The following WARS2 variants were observed in gnomAD, a reference collection of about 807,000 sequenced individuals.
WARS2 encodes the protein tryptophan--tRNA ligase, mitochondrial.
In WARS2, 28 loss-of-function variants were observed where a neutral mutation model predicts 36.5. The ratio of observed to expected loss-of-function variants is 0.77; its 90% CI spans 0.57 to 1.05. WARS2 has a LOEUF of 1.05. WARS2 is among the 50% of genes least tolerant of loss of function. WARS2 has a pLI of 0.00. For missense variants in WARS2, 435 were observed against 456.8 expected (o/e 0.95, Z 0.44); for synonymous variants, 174 against 178.4 (o/e 0.98, Z 0.20).
intron 1 of WARS2, among the ~76,000 whole-genome samples, chr1:119,086,639 A>G (rs781279571): frequency 5.3e-5 from 8 of 152,160 alleles, no homozygotes; most frequent in Non-Finnish European, 8.8e-5. Flanking sequence ...AGACATTTTC[A>G]AAGTATTAAT....
intron 1 of WARS2, among the ~76,000 whole-genome samples, chr1:119,078,363 T>G (rs1315653989): frequency 6.6e-6 from 1 of 152,140 alleles, no homozygotes; most frequent in African/African-American, 2.4e-5. Context: ...TATCTAGGAG[T>G]AGAATTGCCG....
intron 1 of WARS2, among the ~76,000 whole-genome samples, chr1:119,088,929 A>C (rs776365824): frequency 2.0e-5 from 3 of 152,186 alleles, no homozygotes; most frequent in Non-Finnish European, 4.4e-5. Flanking sequence ...TTCCTACCAG[A>C]AAGTCTGGAT....
chr1:119,135,004 TA>T (rs1306224858), intron 1 of WARS2, among the ~76,000 whole-genome samples: 1 of 152,092 alleles, frequency 6.6e-6, no homozygotes, highest in African/African-American at 2.4e-5. Context: ...CAGTAAGCTG[TA>T]AAAAAGAAAG....
chr1:119,140,271 G>T (rs1483978878), intron 1 of WARS2: 7 of 336,158 alleles, frequency 2.1e-5, no homozygotes, highest in Non-Finnish European at 3.8e-5. Flanking sequence ...GGCTCACCGC[G>T]TTGCCCGGCA....
chr1:119,114,319 T>G (rs940813979), intron 1 of WARS2, among the ~76,000 whole-genome samples: 3 of 152,162 alleles, frequency 2.0e-5, no homozygotes, highest in Admixed American at 6.5e-5. Flanking sequence ...AAGCTATGAG[T>G]ATGTGTACAA....
At chr1:119,059,536 C>T (rs1571296100) in intron 2 of WARS2, among the ~76,000 whole-genome samples, 1 of 152,114 alleles carries the variant, frequency 6.6e-6, no homozygotes, top group African/African-American at 2.4e-5. Context: ...TTTCAGTGAC[C>T]TGTAAGTCTA....
rs1033009082 is a variant in WARS2 at position 119,032,784 on chromosome 1, A to G, written c.*127T>C. ...CTACAAAGCAATATTCATCAAATAA[A>G]GCCAATAATCAGCTATACCAAATTA... On this transcript the variant is annotated 3_prime_UTR_variant, in exon 6 of 6. Transcript: ENST00000235521. 3 of 864,518 alleles carry G rather than the reference A, an allele frequency of 3.5e-6. No individual in the cohort carries two copies. The highest frequency in any genetic ancestry group is 2.9e-5 in the Admixed American group (1 of 34,004). The allele number at this position is 864,518 out of a possible 1,614,324, so 53.6% of individuals were successfully genotyped here.
chr1:119,127,934 T>C (rs112170176), intron 1 of WARS2, among the ~76,000 whole-genome samples: 2 of 152,324 alleles, frequency 1.3e-5, no homozygotes, highest in African/African-American at 2.4e-5. Flanking sequence ...CCCTTCTCAA[T>C]TGGGATCGTC....
At chr1:119,113,659 T>A (rs995230280) in intron 1 of WARS2, among the ~76,000 whole-genome samples, 10 of 152,130 alleles carry the variant, frequency 6.6e-5, no homozygotes, top group Non-Finnish European at 1.3e-4. Flanking sequence ...GGCACTGTTT[T>A]ATGTGCTGGT....
chr1:119,080,633 C>T (rs1333030701), intron 1 of WARS2, among the ~76,000 whole-genome samples: 1 of 152,198 alleles, frequency 6.6e-6, no homozygotes, highest in Non-Finnish European at 1.5e-5. Flanking sequence ...TGCTCTTCTG[C>T]AGTGAGTTTA....
At chr1:119,132,635 C>A (rs587757270) in intron 1 of WARS2, among the ~76,000 whole-genome samples, 63 of 152,200 alleles carry the variant, frequency 4.1e-4, no homozygotes, top group African/African-American at 1.5e-3. Flanking sequence ...TCCAAAGTAA[C>A]GTGGTGAATA....
chr1:119,127,937 G>C (rs376307813), intron 1 of WARS2, among the ~76,000 whole-genome samples: 1 of 151,994 alleles, frequency 6.6e-6, no homozygotes, highest in African/African-American at 2.4e-5. Flanking sequence ...TTCTCAATTG[G>C]GATCGTCAAA....
intron 1 of WARS2, among the ~76,000 whole-genome samples, chr1:119,119,887 C>A (rs2101533182): frequency 6.6e-6 from 1 of 152,146 alleles, no homozygotes; most frequent in East Asian, 1.9e-4. Context: ...CACAACCAAT[C>A]AAAACCTCTG....
At chr1:119,103,174 T>A (rs1045200681) in intron 1 of WARS2, among the ~76,000 whole-genome samples, 11 of 152,324 alleles carry the variant, frequency 7.2e-5, no homozygotes, top group Admixed American at 6.5e-4. Context: ...TCCATGTTTG[T>A]TTGCTTGTTT....
intron 1 of WARS2, among the ~76,000 whole-genome samples, chr1:119,131,104 C>T (rs2101569055): frequency 6.6e-6 from 1 of 152,242 alleles, no homozygotes; most frequent in South Asian, 2.1e-4. Flanking sequence ...GATACAATGT[C>T]CTATAAAATT....
At chr1:119,072,700 T>C (rs1204103347) in intron 2 of WARS2, among the ~76,000 whole-genome samples, 1 of 152,100 alleles carries the variant, frequency 6.6e-6, no homozygotes. Context: ...AGAGTCAGGG[T>C]AATTTGGGTA....
chr1:119,071,942 G>T (rs187492070), intron 2 of WARS2, among the ~76,000 whole-genome samples: 5 of 151,948 alleles, frequency 3.3e-5, no homozygotes, highest in Non-Finnish European at 5.9e-5. Context: ...AAAGAAAAAA[G>T]AATTCTTCCT....
At chr1:119,090,983 T>A (rs1420821550) in intron 1 of WARS2, among the ~76,000 whole-genome samples, 1 of 152,198 alleles carries the variant, frequency 6.6e-6, no homozygotes, top group East Asian at 1.9e-4. Flanking sequence ...CTAACAGGAA[T>A]GTTGGTTATT....
chr1:119,112,175 G>C lies in WARS2; in HGVS notation c.90+28380C>G, dbSNP rs587674503. Reference sequence around the variant, plus strand: ...GACCTCAGGTGATCTGGCCGCCTCAGCTTCCCAAAGGGCTGCAATTATAGG... The same window carrying C: ...GACCTCAGGTGATCTGGCCGCCTCACCTTCCCAAAGGGCTGCAATTATAGG... On this transcript the variant is annotated intron_variant, in intron 1 of 5. Transcript: ENST00000235521. Among the ~76,000 whole-genome samples, 8 of 152,240 alleles carry C rather than the reference G, an allele frequency of 5.3e-5. No homozygotes were observed. The East Asian group carries it at 1.5e-3, about 29-fold the overall frequency.
Sources: gnomAD v4.1 joint callset for allele counts (sites outside exome capture counted in the v4.1 genomes callset) on GRCh38, gnomAD v4.1.1 for gene constraint, MANE v1.5 for transcripts, NCBI Gene and HGNC (gene_info 2026-07-23, HGNC 2026-07-21) for gene names.